CASP5: variants seen among roughly 807,000 people sequenced by gnomAD.
CASP5 encodes the protein caspase 5.
Under a neutral mutation model 45.2 loss-of-function variants are expected in CASP5, and 42 were observed. That is an observed-to-expected ratio of 0.93 (90% CI 0.73 to 1.20). The LOEUF (loss-of-function observed/expected upper bound fraction) is 1.20, where lower values mean the gene tolerates loss of function less well. Among genes scored for constraint, CASP5 ranks in the 50% most tolerant of loss-of-function variants. The probability of loss-of-function intolerance (pLI) is 0.00; values close to 1 mark genes in which losing one functional copy is unlikely to be tolerated. For missense variants in CASP5, 512 were observed against 532.2 expected, an observed-to-expected ratio of 0.96 and a Z score of 0.37; for synonymous variants, 209 against 186.2, an observed-to-expected ratio of 1.12 and a Z score of -1.00.
chr11:105,012,584 A>G (rs989437297), intron 1 of CASP5, among the ~76,000 whole-genome samples: 2 of 151,814 alleles, frequency 1.3e-5, no homozygotes, highest in Admixed American at 6.6e-5. Flanking sequence ...AAGAAAACAA[A>G]TATTACAAAA....
In CASP5 at chr11:104,997,527, G is replaced by A. The variant is rs182955793; in HGVS notation, c.1097-35C>T. 3.9e-5 allele frequency: 50 copies of A among 1,291,658 alleles called. No individual in the cohort carries two copies. The Admixed American group carries it at 6.4e-4, about 17-fold the overall frequency. 80.0% of individuals were successfully genotyped at this position (1,291,658 alleles called of 1,614,324 possible). On this transcript the variant is annotated intron_variant, in intron 7 of 9. Coordinates refer to ENST00000260315, the MANE Select transcript of CASP5 (RefSeq NM_004347.5). The stretch of plus-strand genomic sequence containing the variant: ...TACAGCCTGGTATGCCTTGGGCTAC[G>A]ACTTTCACTATGTTTTTGTTTATAT...
chr11:105,009,767 A>ACC (rs1565388107), intron 1 of CASP5, among the ~76,000 whole-genome samples: 7 of 75,962 alleles, frequency 9.2e-5, no homozygotes, highest in African/African-American at 3.7e-4. Context: ...ATACACACAC[A>ACC]CACGTATATA....
Position 104,995,693 on chromosome 11 carries a change from T to C in CASP5, c.*4+47A>G, listed in dbSNP as rs760289089. 2.7e-5 allele frequency: 33 copies of C among 1,237,382 alleles called. No individual in the cohort carries two copies. In the Admixed American group the frequency reaches 5.3e-4, roughly 20 times the overall value. The allele number at this position is 1,237,382 out of a possible 1,614,324, so 76.7% of individuals were successfully genotyped here. A position where few individuals can be genotyped will look rare whatever the true frequency, so the allele number is the denominator to read the frequency against. ...ATTGGTCATTGAACTTCACCACCGA[T>C]ATAGCTCTTTCATTTATTTCACCCT... On this transcript the variant is annotated intron_variant, in intron 9 of 9. Coordinates refer to ENST00000260315, the MANE Select transcript of CASP5 (RefSeq NM_004347.5).
intron 1 of CASP5, among the ~76,000 whole-genome samples, chr11:105,013,733 TC>T (rs1369029865): frequency 6.6e-6 from 1 of 152,096 alleles, no homozygotes; most frequent in East Asian, 1.9e-4. Context: ...CTTAAAATAC[TC>T]CCACAACCTC....
intron 8 of CASP5, 149 bp downstream of exon 8, chr11:104,997,234 C>A: frequency 3.3e-6 from 2 of 612,224 alleles, no homozygotes; most frequent in Admixed American, 2.5e-5. Context: ...TTCTCTAAAG[C>A]AGATTTTAAA....
chr11:105,014,694 T>G (rs181872149), intron 1 of CASP5, among the ~76,000 whole-genome samples: 252 of 152,190 alleles, frequency 1.7e-3, no homozygotes, highest in African/African-American at 5.7e-3. Flanking sequence ...TCTGGAAAAT[T>G]TGGTGAGCAA....
chr11:105,004,924 T>C (rs1020178454), intron 3 of CASP5, among the ~76,000 whole-genome samples: 3 of 152,184 alleles, frequency 2.0e-5, no homozygotes, highest in African/African-American at 7.2e-5. Flanking sequence ...ACTTCCAACT[T>C]AACAGTCATC....
intron 1 of CASP5, among the ~76,000 whole-genome samples, chr11:105,013,486 A>G (rs1862448646): frequency 6.6e-6 from 1 of 152,124 alleles, no homozygotes; most frequent in South Asian, 2.1e-4. Flanking sequence ...TACAATATAT[A>G]TTTCAAACAT....
chr11:105,013,650 A>G (rs927670618), intron 1 of CASP5, among the ~76,000 whole-genome samples: 1 of 152,102 alleles, frequency 6.6e-6, no homozygotes, highest in Non-Finnish European at 1.5e-5. Flanking sequence ...TAATAAATAA[A>G]TGACTCAAAT....
At chr11:105,008,773 T>A in intron 2 of CASP5, 34 bp downstream of exon 2, 1 of 1,481,242 alleles carries the variant, frequency 6.8e-7, no homozygotes, top group Non-Finnish European at 9.4e-7. Context: ...TTCTAAAAAA[T>A]TGGAAATATC....
chr11:105,009,650 T>C (rs1862171130), intron 1 of CASP5, among the ~76,000 whole-genome samples: 1 of 146,776 alleles, frequency 6.8e-6, no homozygotes, highest in Non-Finnish European at 1.5e-5. Flanking sequence ...GGTAGATTAA[T>C]ATAATACTGA....
At chr11:105,003,016 G>A (rs1053992041) in intron 4 of CASP5, among the ~76,000 whole-genome samples, 3 of 143,902 alleles carry the variant, frequency 2.1e-5, no homozygotes, top group African/African-American at 7.8e-5. Context: ...GGACAACATA[G>A]GGAGACTATA....
chr11:105,012,595 T>G (rs1862403181), intron 1 of CASP5, among the ~76,000 whole-genome samples: 1 of 151,712 alleles, frequency 6.6e-6, no homozygotes, highest in Admixed American at 6.6e-5. Context: ...TATTACAAAA[T>G]GAGCCAAGGA....
At chr11:105,009,758 T>TATATATATATATATATAC (rs1555079440) in intron 1 of CASP5, among the ~76,000 whole-genome samples, 1 of 90,252 alleles carries the variant, frequency 1.1e-5, no homozygotes, top group Non-Finnish European at 2.2e-5. Flanking sequence ...TATATATATA[T>TATATATATATATATATAC]ACACACACAC....
intron 1 of CASP5, among the ~76,000 whole-genome samples, chr11:105,016,997 T>C (rs11226588): frequency 0.015 from 2,269 of 147,306 alleles, 58 homozygotes; most frequent in African/African-American, 0.056. Context: ...GGTCCCTGAC[T>C]CCTGACCCCC....
At chr11:105,022,729 A>C (rs760030669) in intron 1 of CASP5, among the ~76,000 whole-genome samples, 1 of 152,158 alleles carries the variant, frequency 6.6e-6, no homozygotes, top group Non-Finnish European at 1.5e-5. Context: ...GAGAACACAG[A>C]GGCTCTCAGA....
chr11:105,020,211 G>GC (rs1862873517), intron 1 of CASP5, among the ~76,000 whole-genome samples: 1 of 148,272 alleles, frequency 6.7e-6, no homozygotes, highest in South Asian at 2.1e-4. Flanking sequence ...TACTGAATGG[G>GC]CAAAAACTGG....
Position 105,008,789 on chromosome 11 carries a change from T to C in CASP5, c.181+18A>G, listed in dbSNP as rs747432616. 6 of 1,567,920 alleles carry C rather than the reference T, an allele frequency of 3.8e-6. No individual in the cohort carries two copies. The highest frequency in any genetic ancestry group is 2.6e-6 in the Non-Finnish European group (3 of 1,142,872). Reference sequence around the variant, plus strand: ...TCTAAAAAATTGGAAATATCCATTGTAAAATATCCAGTCTTACTTTTTACA... The same window carrying C: ...TCTAAAAAATTGGAAATATCCATTGCAAAATATCCAGTCTTACTTTTTACA... On this transcript the variant is annotated intron_variant, in intron 2 of 9. Transcript: ENST00000260315.
chr11:105,007,471 A>T, intron 2 of CASP5, 137 bp from the exon 3 acceptor site: 1 of 840,388 alleles, frequency 1.2e-6, no homozygotes, highest in Non-Finnish European at 1.8e-6. Flanking sequence ...AATAACACAC[A>T]TCTTTTTTTG....
Sources: gnomAD v4.1 joint callset for allele counts (sites outside exome capture counted in the v4.1 genomes callset) on GRCh38, gnomAD v4.1.1 for gene constraint, MANE v1.5 for transcripts, NCBI Gene and HGNC (gene_info 2026-07-23, HGNC 2026-07-21) for gene names.